Variants in RNF212B observed in about 807,000 individuals in gnomAD.
The protein encoded by RNF212B is E3 ubiquitin-protein ligase RNF212B.
RNF212B carries 52 observed loss-of-function variants against 55.5 expected under a neutral mutation model. The ratio of observed to expected loss-of-function variants is 0.94; its 90% CI spans 0.75 to 1.18. RNF212B has a LOEUF of 1.18. RNF212B is among the 50% of genes most tolerant of loss of function. RNF212B has a pLI of 0.00. For synonymous variants in RNF212B, 99 were observed against 121.4 expected (o/e 0.82, Z 1.21); for missense variants, 289 against 350.4 (o/e 0.82, Z 1.40).
intron 2 of RNF212B, among the ~76,000 whole-genome samples, chr14:23,199,987 C>A (rs1879122577): frequency 6.6e-6 from 1 of 151,454 alleles, no homozygotes; most frequent in African/African-American, 2.4e-5. Flanking sequence ...AATTAGAATT[C>A]AGCCCAAACT....
intron 11 of RNF212B, among the ~76,000 whole-genome samples, chr14:23,265,834 G>A (rs1437289605): frequency 1.3e-5 from 2 of 152,082 alleles, no homozygotes; most frequent in South Asian, 2.1e-4. Flanking sequence ...AGTTTCCTAA[G>A]GTGGAAGTTT....
intron 2 of RNF212B, among the ~76,000 whole-genome samples, chr14:23,230,673 A>AC (rs1882539978): frequency 1.3e-5 from 2 of 151,026 alleles, no homozygotes; most frequent in African/African-American, 2.4e-5. Flanking sequence ...AAAAAAAAAA[A>AC]AAAAAAAAAA....
chr14:23,208,659 G>C (rs903195069), intron 2 of RNF212B, among the ~76,000 whole-genome samples: 2 of 151,906 alleles, frequency 1.3e-5, no homozygotes, highest in Non-Finnish European at 2.9e-5. Context: ...CTCAGGGTGA[G>C]TCTGCAGTGC....
At chr14:23,219,837 T>C (rs1015444177) in intron 2 of RNF212B, among the ~76,000 whole-genome samples, 1 of 152,038 alleles carries the variant, frequency 6.6e-6, no homozygotes, top group Non-Finnish European at 1.5e-5. Context: ...GTTTACAATA[T>C]TGGGTTCTAA....
intron 2 of RNF212B, among the ~76,000 whole-genome samples, chr14:23,202,627 G>A (rs1879414117): frequency 6.6e-6 from 1 of 152,178 alleles, no homozygotes; most frequent in Admixed American, 6.5e-5. Flanking sequence ...CGAGGCGGGT[G>A]GATCACGAGG....
At chr14:23,187,508 C>T (rs1225251778) in intron 1 of RNF212B, among the ~76,000 whole-genome samples, 2 of 152,156 alleles carry the variant, frequency 1.3e-5, no homozygotes, top group Non-Finnish European at 2.9e-5. Context: ...GCCACCACAC[C>T]CGGGTTAATA....
intron 2 of RNF212B, among the ~76,000 whole-genome samples, chr14:23,231,071 C>T (rs1269140322): frequency 6.6e-6 from 1 of 151,954 alleles, no homozygotes; most frequent in Non-Finnish European, 1.5e-5. Context: ...CAAATTTTTT[C>T]CTTTTTAAGA....
chr14:23,252,379 A>G (rs576794208), intron 4 of RNF212B, among the ~76,000 whole-genome samples: 1 of 152,226 alleles, frequency 6.6e-6, no homozygotes, highest in East Asian at 1.9e-4. Flanking sequence ...CAGCCCATTA[A>G]AAAAAAGTTT....
upstream of RNF212B, among the ~76,000 whole-genome samples, chr14:23,235,926 A>G (rs565978346): frequency 6.6e-6 from 1 of 152,360 alleles, no homozygotes; most frequent in Non-Finnish European, 1.5e-5. Flanking sequence ...TTTGCAATCA[A>G]CTTTTAACTC....
chr14:23,227,133 G>T (rs974248114), intron 2 of RNF212B, among the ~76,000 whole-genome samples: 2 of 151,950 alleles, frequency 1.3e-5, no homozygotes, highest in Non-Finnish European at 2.9e-5. Flanking sequence ...TATCGTTGGG[G>T]AAATAAATGA....
intron 2 of RNF212B, among the ~76,000 whole-genome samples, chr14:23,221,885 G>C (rs1407824383): frequency 1.3e-5 from 2 of 152,174 alleles, no homozygotes; most frequent in East Asian, 3.8e-4. Flanking sequence ...GCTTCTGAAT[G>C]AACAGTGGGC....
chr14:23,232,688 G>T (rs1465873563), intron 2 of RNF212B, among the ~76,000 whole-genome samples: 8 of 150,130 alleles, frequency 5.3e-5, no homozygotes, highest in Admixed American at 1.3e-4. Context: ...TGGGAGGGAG[G>T]TGGGGGGTCA....
chr14:23,215,246 A>G (rs1263904722), intron 2 of RNF212B, among the ~76,000 whole-genome samples: 2 of 151,912 alleles, frequency 1.3e-5, no homozygotes, highest in Admixed American at 6.6e-5. Flanking sequence ...ATTTTTTGCC[A>G]TGATTGTAAG....
chr14:23,249,676 T>C (rs1313295381), intron 4 of RNF212B, among the ~76,000 whole-genome samples: 1 of 152,208 alleles, frequency 6.6e-6, no homozygotes, highest in East Asian at 1.9e-4. Context: ...GAGCAGGGGA[T>C]TGAGGAACCT....
chr14:23,272,145 TG>T (rs1410507070), intron 14 of RNF212B, among the ~76,000 whole-genome samples: 5 of 152,156 alleles, frequency 3.3e-5, no homozygotes, highest in African/African-American at 9.6e-5. Context: ...GGGCCAGGCG[TG>T]GTGGCTCATG....
intron 2 of RNF212B, among the ~76,000 whole-genome samples, chr14:23,213,464 TA>T (rs1394778383): frequency 2.0e-5 from 3 of 152,154 alleles, no homozygotes; most frequent in African/African-American, 7.2e-5. Flanking sequence ...GCATTTCCAA[TA>T]AAAATTCCAC....
chr14:23,268,679 G>A (rs1264699174), intron 11 of RNF212B, among the ~76,000 whole-genome samples: 1 of 152,184 alleles, frequency 6.6e-6, no homozygotes, highest in African/African-American at 2.4e-5. Flanking sequence ...CCAAGGCACA[G>A]ATACATGAGA....
intron 4 of RNF212B, 40 bp from the exon 5 acceptor site, chr14:23,258,508 GT>G: frequency 1.0e-6 from 1 of 961,146 alleles, no homozygotes; most frequent in Non-Finnish European, 1.6e-6. Context: ...AGGGAAAGGA[GT>G]TATGGGAGAG....
chr14:23,236,312 G>A (rs193199301), upstream of RNF212B, among the ~76,000 whole-genome samples: 7 of 152,252 alleles, frequency 4.6e-5, no homozygotes, highest in East Asian at 1.4e-3. Context: ...TCAGGAGTTC[G>A]AGAGCAGCCT....
Sources: gnomAD v4.1 joint callset for allele counts (sites outside exome capture counted in the v4.1 genomes callset) on GRCh38, gnomAD v4.1.1 for gene constraint, MANE v1.5 for transcripts, NCBI Gene and HGNC (gene_info 2026-07-23, HGNC 2026-07-21) for gene names.